The following MCTP2 variants were observed in gnomAD, a reference collection of about 807,000 sequenced individuals.
The protein encoded by MCTP2 is multiple C2 and transmembrane domain containing 2.
MCTP2 carries 132 observed loss-of-function variants against 111.6 expected under a neutral mutation model. The ratio of observed to expected loss-of-function variants is 1.18; its 90% confidence interval spans 1.03 to 1.37. The LOEUF (loss-of-function observed/expected upper bound fraction) is 1.37, where lower values mean the gene tolerates loss of function less well. Among genes scored for constraint, MCTP2 ranks in the 40% most tolerant of loss-of-function variants. The pLI, the probability that MCTP2 is intolerant of heterozygous loss-of-function variation, is 0.00. For synonymous variants in MCTP2, 395 were observed against 387.7 expected (o/e 1.02, Z -0.22); for missense variants, 1,183 against 1,067.9 (o/e 1.11, Z -1.50).
At chr15:94,383,895 C>T (rs1281232577) in intron 12 of MCTP2, 127 bp from the exon 13 acceptor site, 1 of 677,712 alleles carries the variant, frequency 1.5e-6, no homozygotes, top group Non-Finnish European at 2.7e-6. Flanking sequence ...GCCTCCATGA[C>T]TCATTGGAAA....
intron 1 of MCTP2, among the ~76,000 whole-genome samples, chr15:94,255,875 C>T (rs1294072032): frequency 6.6e-6 from 1 of 152,162 alleles, no homozygotes; most frequent in African/African-American, 2.4e-5. Flanking sequence ...ATGGAATGCT[C>T]TTAGGAAAAT....
At chr15:94,326,810 C>T (rs1274808213) in intron 4 of MCTP2, among the ~76,000 whole-genome samples, 1 of 46,198 alleles carries the variant, frequency 2.2e-5, no homozygotes, top group Admixed American at 1.9e-4. Flanking sequence ...TCAGGTGATC[C>T]CCGCCCCACC....
intron 1 of MCTP2, among the ~76,000 whole-genome samples, chr15:94,237,885 A>G (rs555557972): frequency 1.2e-4 from 19 of 152,130 alleles, no homozygotes; most frequent in Non-Finnish European, 2.4e-4. Flanking sequence ...TTTCCTTTCT[A>G]TTGATCCCAG....
At chr15:94,358,381 C>A in intron 9 of MCTP2, 101 bp from the exon 10 acceptor site, 1 of 1,109,470 alleles carries the variant, frequency 9.0e-7, no homozygotes, top group Non-Finnish European at 1.3e-6. Context: ...TGAGGTCCAT[C>A]ATCTTGACCC....
At chr15:94,436,877 A>C (rs888006640) in intron 17 of MCTP2, among the ~76,000 whole-genome samples, 3 of 151,860 alleles carry the variant, frequency 2.0e-5, no homozygotes, top group Non-Finnish European at 4.4e-5. Flanking sequence ...CCCCCAAAAA[A>C]CGTAACAATA....
At chr15:94,393,204 C>A (rs1596565092) in intron 14 of MCTP2, among the ~76,000 whole-genome samples, 1 of 151,932 alleles carries the variant, frequency 6.6e-6, no homozygotes, top group South Asian at 2.1e-4. Flanking sequence ...CTATACACAA[C>A]AGGAAAACAT....
intron 1 of MCTP2, among the ~76,000 whole-genome samples, chr15:94,279,874 T>C (rs1005927009): frequency 6.6e-6 from 1 of 152,240 alleles, no homozygotes; most frequent in Admixed American, 6.5e-5. Flanking sequence ...ATGTGGTTTT[T>C]GCTTTTAGTT....
intron 1 of MCTP2, among the ~76,000 whole-genome samples, chr15:94,236,445 T>G (rs2070573210): frequency 7.4e-6 from 1 of 134,736 alleles, no homozygotes; most frequent in Non-Finnish European, 1.5e-5. Flanking sequence ...TGAGTAAGAA[T>G]GTACAGATAG....
intron 16 of MCTP2, 82 bp downstream of exon 16, chr15:94,400,077 T>G: frequency 2.4e-6 from 3 of 1,248,494 alleles, no homozygotes; most frequent in Non-Finnish European, 2.3e-6. Context: ...CTGTAATTTC[T>G]TCCTTGAAAC....
chr15:94,425,116 T>C (rs185436653), intron 17 of MCTP2, among the ~76,000 whole-genome samples: 33 of 152,344 alleles, frequency 2.2e-4, no homozygotes, highest in Admixed American at 1.6e-3. Flanking sequence ...TAATTTTGTT[T>C]AAATTTTAAA....
chr15:94,441,795 G>A (rs182975077), intron 18 of MCTP2, among the ~76,000 whole-genome samples: 176 of 152,210 alleles, frequency 1.2e-3, no homozygotes, highest in African/African-American at 3.3e-3. Flanking sequence ...CAATTATAGC[G>A]TTTTTTCCTC....
At chr15:94,262,671 T>G (rs1218633147) in intron 1 of MCTP2, among the ~76,000 whole-genome samples, 6 of 151,850 alleles carry the variant, frequency 4.0e-5, no homozygotes, top group Admixed American at 6.6e-5. Context: ...CTTTTTTTTT[T>G]TGTGGGGGTG....
chr15:94,403,787 C>T (rs540739591), intron 17 of MCTP2, among the ~76,000 whole-genome samples: 6 of 152,266 alleles, frequency 3.9e-5, no homozygotes, highest in Admixed American at 3.3e-4. Context: ...AGAATGCAGG[C>T]TGCCATGTTG....
At chr15:94,324,605 A>T (rs891024094) in intron 4 of MCTP2, among the ~76,000 whole-genome samples, 1 of 152,160 alleles carries the variant, frequency 6.6e-6, no homozygotes, top group Non-Finnish European at 1.5e-5. Context: ...GCACAGGTAG[A>T]TATCTGACGT....
At chr15:94,386,523 C>T (rs75649564) in intron 14 of MCTP2, among the ~76,000 whole-genome samples, 155 of 152,290 alleles carry the variant, frequency 1.0e-3, no homozygotes, top group African/African-American at 3.6e-3. Flanking sequence ...TGATGTTACT[C>T]GGAGAGCCTG....
intron 14 of MCTP2, among the ~76,000 whole-genome samples, chr15:94,397,356 T>G (rs1017654653): frequency 1.3e-5 from 2 of 152,216 alleles, no homozygotes; most frequent in East Asian, 1.9e-4. Context: ...TTGCCAACCC[T>G]TAAGAAATCA....
At chr15:94,469,427 C>T (rs1423678632) in intron 20 of MCTP2, among the ~76,000 whole-genome samples, 2 of 152,180 alleles carry the variant, frequency 1.3e-5, no homozygotes, top group Admixed American at 1.3e-4. Context: ...GTGTAATCAC[C>T]TACATTATCT....
intron 16 of MCTP2, among the ~76,000 whole-genome samples, chr15:94,400,387 C>T (rs2081510929): frequency 6.6e-6 from 1 of 152,126 alleles, no homozygotes; most frequent in African/African-American, 2.4e-5. Flanking sequence ...TGTGTGGAGT[C>T]AATCACAGAA....
rs755354899 is a variant in MCTP2, at chr15:94,298,490, C to T, written c.225C>T (p.Tyr75=). 15 of 1,613,968 alleles carry T rather than the reference C, an allele frequency of 9.3e-6. No homozygotes were observed. Among genetic ancestry groups the T allele is most frequent in the Non-Finnish European group, 1.3e-5 (15 of 1,179,994 alleles). Residue 75 remains tyrosine (Y), a synonymous_variant, in exon 2 of 23, where the codon TAC becomes TAT. Coordinates refer to ENST00000357742, the MANE Select transcript of MCTP2 (RefSeq NM_001385001.1). ...GRPYSGPQSS[Y]TSVPSSLSTA... ...CTTACTCCGGGCCACAGTCTTCCTACACCTCGGTGCCCAGCAGTCTGTCCA... is the reference window on the plus strand; with the variant it reads ...CTTACTCCGGGCCACAGTCTTCCTATACCTCGGTGCCCAGCAGTCTGTCCA...
Sources: allele counts gnomAD v4.1 joint callset (sites outside exome capture counted in the v4.1 genomes callset), GRCh38; gene constraint gnomAD v4.1.1; transcripts MANE v1.5; gene names NCBI Gene and HGNC (gene_info 2026-07-23, HGNC 2026-07-21).